PTPRD: variants seen among roughly 807,000 people sequenced by gnomAD.
The protein encoded by PTPRD is receptor-type tyrosine-protein phosphatase delta.
PTPRD carries 34 observed loss-of-function variants against 214.5 expected under a neutral mutation model. The observed-to-expected ratio is 0.16, with a 90% CI of 0.12 to 0.21. The LOEUF is 0.21. Among genes scored for constraint, PTPRD ranks in the 10% least tolerant of loss-of-function variants. PTPRD has a pLI of 1.00. For missense variants in PTPRD, 2,545 were observed against 2,398.7 expected (o/e 1.06, Z -1.27); for synonymous variants, 1,128 against 845.7 (o/e 1.33, Z -5.79).
At chr9:9,351,179 T>C (rs976518653) in intron 9 of PTPRD, among the ~76,000 whole-genome samples, 2 of 152,002 alleles carry the variant, frequency 1.3e-5, no homozygotes, top group African/African-American at 4.8e-5. Flanking sequence ...AAACCAAATG[T>C]ACAGATTTGA....
rs369691231 is a variant in PTPRD, at chr9:8,865,754, G to A, written c.-103-131808C>T. On this transcript the variant is annotated intron_variant, in intron 11 of 45. Transcript: ENST00000381196. ...CCACTGTGGCCTGGTTAGATGTCAC[G>A]TTAATATTGCCTCTTATTGAGACTG... Among the ~76,000 whole-genome samples the A allele has an allele frequency of 3.9e-5, 6 of 152,236 alleles. No homozygotes were observed. In the South Asian group the frequency reaches 8.3e-4, roughly 21 times the overall value.
At chr9:9,307,690 T>C (rs1028882740) in intron 9 of PTPRD, among the ~76,000 whole-genome samples, 1 of 152,184 alleles carries the variant, frequency 6.6e-6, no homozygotes, top group African/African-American at 2.4e-5. Flanking sequence ...ACAAATCCGG[T>C]CAAGTTAAAC....
At chr9:9,587,505 G>C (rs2092187932) in intron 7 of PTPRD, among the ~76,000 whole-genome samples, 1 of 151,980 alleles carries the variant, frequency 6.6e-6, no homozygotes, top group Non-Finnish European at 1.5e-5. Flanking sequence ...TAATTGAAGT[G>C]CCCACTATGG....
chr9:8,924,482 G>A (rs2098851064), intron 11 of PTPRD, among the ~76,000 whole-genome samples: 1 of 152,106 alleles, frequency 6.6e-6, no homozygotes, highest in South Asian at 2.1e-4. Context: ...GGAATTTAGA[G>A]TTTATTTGGG....
chr9:10,007,707 T>G (rs1174803824), intron 4 of PTPRD, among the ~76,000 whole-genome samples: 1 of 152,018 alleles, frequency 6.6e-6, no homozygotes, highest in East Asian at 1.9e-4. Flanking sequence ...GAGGAATGTT[T>G]TGGCTAAAAT....
intron 5 of PTPRD, among the ~76,000 whole-genome samples, chr9:9,934,030 C>T (rs1438501822): frequency 1.1e-4 from 16 of 148,408 alleles, no homozygotes; most frequent in African/African-American, 2.6e-4. Context: ...TTGAAACCAA[C>T]GAGAACAAAG....
intron 14 of PTPRD, among the ~76,000 whole-genome samples, chr9:8,626,392 C>T (rs1378452819): frequency 4.6e-5 from 7 of 151,756 alleles, no homozygotes; most frequent in African/African-American, 1.7e-4. Context: ...GAGTCACGTC[C>T]CAACCTCATT....
intron 3 of PTPRD, among the ~76,000 whole-genome samples, chr9:10,102,037 T>G (rs959264559): frequency 2.0e-4 from 31 of 151,768 alleles, no homozygotes; most frequent in African/African-American, 7.2e-4. Flanking sequence ...AATTTATATT[T>G]TAATGTTGAT....
chr9:8,570,870 T>A (rs2090927329), intron 14 of PTPRD, among the ~76,000 whole-genome samples: 1 of 151,734 alleles, frequency 6.6e-6, no homozygotes, highest in South Asian at 2.1e-4. Flanking sequence ...AATTAATGGA[T>A]AAAGAGCTAG....
intron 8 of PTPRD, among the ~76,000 whole-genome samples, chr9:9,453,203 A>G (rs1279408979): frequency 6.6e-6 from 1 of 151,574 alleles, no homozygotes; most frequent in Non-Finnish European, 1.5e-5. Flanking sequence ...CATATTTGTT[A>G]GTATGGGTAA....
At chr9:9,215,631 T>C (rs1263333973) in intron 9 of PTPRD, among the ~76,000 whole-genome samples, 1 of 151,974 alleles carries the variant, frequency 6.6e-6, no homozygotes, top group Admixed American at 6.6e-5. Context: ...GAGGTGGAGT[T>C]GGGACGAAGG....
At chr9:9,935,237 G>A (rs2088730367) in intron 5 of PTPRD, among the ~76,000 whole-genome samples, 1 of 152,050 alleles carries the variant, frequency 6.6e-6, no homozygotes, top group African/African-American at 2.4e-5. Flanking sequence ...CAATCAGGCA[G>A]GAGAAGGAAA....
At chr9:9,218,302 G>C (rs1195530163) in intron 9 of PTPRD, among the ~76,000 whole-genome samples, 4 of 152,054 alleles carry the variant, frequency 2.6e-5, no homozygotes, top group African/African-American at 4.8e-5. Context: ...GATAGGCCTT[G>C]AATGTTGCTT....
chr9:9,710,994 GT>G (rs2097717031), intron 7 of PTPRD, among the ~76,000 whole-genome samples: 1 of 152,002 alleles, frequency 6.6e-6, no homozygotes, highest in Non-Finnish European at 1.5e-5. Flanking sequence ...GTGTGTGTGT[GT>G]ATGCACACGA....
intron 35 of PTPRD, among the ~76,000 whole-genome samples, chr9:8,424,679 G>GA (rs386414400): frequency 1.1e-4 from 1 of 9,216 alleles, no homozygotes; most frequent in Admixed American, 1.8e-3. Flanking sequence ...TAAAGAAGGG[G>GA]ACTGGGAAGA....
intron 7 of PTPRD, among the ~76,000 whole-genome samples, chr9:9,591,969 C>A (rs1229798043): frequency 6.6e-6 from 1 of 152,110 alleles, no homozygotes; most frequent in Non-Finnish European, 1.5e-5. Context: ...TCTCCCCACA[C>A]AGCCTCTGGC....
chr9:8,568,829 G>A (rs2090221872), intron 14 of PTPRD, among the ~76,000 whole-genome samples: 3 of 151,870 alleles, frequency 2.0e-5, no homozygotes, highest in African/African-American at 7.2e-5. Context: ...GTCTATAAGT[G>A]TTGGTCTTCT....
intron 7 of PTPRD, among the ~76,000 whole-genome samples, chr9:9,638,109 A>G (rs760830878): frequency 6.6e-6 from 1 of 152,202 alleles, no homozygotes; most frequent in Non-Finnish European, 1.5e-5. Flanking sequence ...CCTTCTATCC[A>G]TACTAATATC....
intron 2 of PTPRD, among the ~76,000 whole-genome samples, chr9:10,524,272 T>C (rs1482600782): frequency 6.6e-6 from 1 of 152,096 alleles, no homozygotes; most frequent in African/African-American, 2.4e-5. Context: ...CACCACTACC[T>C]GCAAGATTTA....
Sources: allele counts gnomAD v4.1 joint callset (sites outside exome capture counted in the v4.1 genomes callset), GRCh38; gene constraint gnomAD v4.1.1; transcripts MANE v1.5; gene names NCBI Gene and HGNC (gene_info 2026-07-23, HGNC 2026-07-21).